Variants in HERC1 observed in about 807,000 individuals in gnomAD.
The protein encoded by HERC1 is probable E3 ubiquitin-protein ligase HERC1.
In HERC1, 160 loss-of-function variants were observed where a neutral mutation model predicts 554.3. That is an observed-to-expected ratio of 0.29 (90% CI 0.25 to 0.33). The LOEUF is 0.33. Ranked by LOEUF, HERC1 falls within the 10% of genes least tolerant of loss-of-function variation. The pLI, the probability that HERC1 is intolerant of heterozygous loss-of-function variation, is 1.00. For missense variants in HERC1, 4,919 were observed against 5,918.5 expected (o/e 0.83, Z 5.54); for synonymous variants, 2,175 against 2,131.7 (o/e 1.02, Z -0.56).
At chr15:63,672,737 T>G (rs1197334132) in intron 38 of HERC1, 43 bp from the exon 39 acceptor site, 4 of 1,401,406 alleles carry the variant, frequency 2.9e-6, no homozygotes, top group Non-Finnish European at 3.9e-6. Flanking sequence ...AAGGATTTGT[T>G]TTTTCAAAAA....
intron 55 of HERC1, among the ~76,000 whole-genome samples, chr15:63,646,496 G>A (rs1158415620): frequency 1.3e-5 from 2 of 149,730 alleles, no homozygotes; most frequent in Non-Finnish European, 3.0e-5. Flanking sequence ...AATAGTAGAG[G>A]CTAAAAAAAA....
At position 63,736,694 on chromosome 15, in the gene HERC1, C is replaced by G. The variant is rs572905221; in HGVS notation, c.2521-1845G>C. ...CACAATCTCGGCTCACGGCAACCTC[C>G]ACCTCTGGGGTTCAAGCGATTTTCC... On this transcript the variant is annotated intron_variant, in intron 12 of 77. Coordinates refer to ENST00000443617, the MANE Select transcript of HERC1 (RefSeq NM_003922.4). 3.9e-5 allele frequency among the ~76,000 whole-genome samples: 6 copies of G among 152,098 alleles called. No individual in the cohort carries two copies. In the East Asian group the frequency reaches 7.7e-4, roughly 20 times the overall value.
intron 12 of HERC1, among the ~76,000 whole-genome samples, chr15:63,741,842 T>C (rs2074824239): frequency 1.3e-5 from 2 of 152,244 alleles, no homozygotes; most frequent in Admixed American, 6.5e-5. Flanking sequence ...TTGATCTATA[T>C]ATTTATCCTT....
rs1223604236 is a variant in HERC1 at position 63,637,549 on chromosome 15, T to C, written c.12188A>G (p.Asn4063Ser). The change falls in exon 64 of 78, where the codon AAT becomes AGT. Residue 4063 changes from asparagine (N) to serine (S), a missense_variant. Transcript: ENST00000443617. The part of the protein sequence containing the change: ...EGSYGRLGQG[N>S]SDDLHVLTVI... The stretch of plus-strand genomic sequence containing the variant: ...TGTCAGCACATGAAGGTCATCTGAA[T>C]TTCCTTGTCCTAATCTGCCATAACT... 1 of 1,564,902 alleles carries C rather than the reference T, an allele frequency of 6.4e-7. No homozygotes were observed. The highest frequency in any genetic ancestry group is 1.3e-5 in the African/African-American group (1 of 74,078).
At chr15:63,792,722 G>A (rs138932031) in intron 1 of HERC1, among the ~76,000 whole-genome samples, 2,017 of 152,218 alleles carry the variant, frequency 0.013, 23 homozygotes, top group East Asian at 0.023. Context: ...TTCTCCACAC[G>A]CCAAGCAAGC....
At chr15:63,767,773 G>T (rs149561732) in intron 2 of HERC1, among the ~76,000 whole-genome samples, 1 of 152,132 alleles carries the variant, frequency 6.6e-6, no homozygotes, top group Non-Finnish European at 1.5e-5. Flanking sequence ...AGAGTTCTCC[G>T]AAGAGCTGAG....
chr15:63,798,992 T>G (rs1403186105), intron 1 of HERC1, among the ~76,000 whole-genome samples: 1 of 152,138 alleles, frequency 6.6e-6, no homozygotes, highest in African/African-American at 2.4e-5. Context: ...AAAAAAGAAG[T>G]TGACTTTTTT....
rs199876597 is a variant in HERC1 at position 63,706,960 on chromosome 15, C to G, written c.4585-129G>C. Reference sequence around the variant, plus strand: ...TGTCTTACTTATTCATCATTCAAGTCAAACTAATAACAAAATGTCCCTAAA... The same window carrying G: ...TGTCTTACTTATTCATCATTCAAGTGAAACTAATAACAAAATGTCCCTAAA... On this transcript the variant is annotated intron_variant, in intron 24 of 77. Transcript: ENST00000443617. 1.0e-5 allele frequency: 6 copies of G among 586,120 alleles called. No individual in the cohort carries two copies. The East Asian group carries it at 1.8e-4, about 17-fold the overall frequency. The allele number at this position is 586,120 out of a possible 1,614,324, so 36.3% of individuals were successfully genotyped here. A position where few individuals can be genotyped will look rare whatever the true frequency, so the allele number is the denominator to read the frequency against.
In HERC1 at chr15:63,718,593, G is replaced by A; in HGVS notation, c.3959C>T (p.Ser1320Leu). The A allele has an allele frequency of 6.3e-7, 1 of 1,582,680 alleles. No individual in the cohort carries two copies. The highest frequency in any genetic ancestry group is 1.1e-5 in the South Asian group (1 of 87,138). Residue 1320 changes from serine to leucine, a missense_variant, in exon 21 of 78, where the codon TCA becomes TTA. Ser to Leu is a moderately radical substitution (Grantham distance 145). Around this residue, in one of 11 missense-constraint regions of HERC1, gnomAD observed 1,121 missense variants for 1,244.0 expected, o/e 0.90. Coordinates refer to ENST00000443617, the MANE Select transcript of HERC1 (RefSeq NM_003922.4). This position sits in a 1 kb window ranked among gnomAD's most constrained non-coding sequence, Gnocchi z 4.2. ...CTTTACCCATCTGTCCCGTGATGAT[G>A]ACCTTGTTTGAATAAGTTCAAGGTT... is the stretch of plus-strand genomic sequence containing the variant. Reference protein sequence around the residue: ...CKNLELIQTRSSSRDRWISEN... With the variant: ...CKNLELIQTRLSSRDRWISEN...
intron 25 of HERC1, among the ~76,000 whole-genome samples, chr15:63,699,829 T>A (rs1044238144): frequency 6.6e-6 from 1 of 152,216 alleles, no homozygotes. Flanking sequence ...CATTTGTCAA[T>A]ATTAGCTTTA....
chr15:63,716,274 A>G lies in HERC1; in HGVS notation c.4150+28T>C, dbSNP rs1411058514. ...TATCAAAAAGCATGCCACAGTTTGT[A>G]TCTAGAAAGTAAGAAGGGTATACTC... On this transcript the variant is annotated intron_variant, in intron 22 of 77. Transcript: ENST00000443617. 2.5e-6 allele frequency: 4 copies of G among 1,575,440 alleles called. No individual in the cohort carries two copies. In the African/African-American group the frequency reaches 4.1e-5, roughly 16 times the overall value.
chr15:63,706,808 C>G lies in HERC1; in HGVS notation c.4608G>C (p.Leu1536Phe). The G allele has an allele frequency of 6.5e-7, 1 of 1,543,132 alleles. No individual in the cohort carries two copies. Among genetic ancestry groups the G allele is most frequent in the Non-Finnish European group, 8.8e-7 (1 of 1,140,698 alleles). Residue 1536 changes from leucine (L) to phenylalanine (F), a missense_variant, in exon 25 of 78, where the codon TTG becomes TTC. This residue lies in a region of HERC1 where 1,121 missense variants were observed against 1,244.0 expected (regional missense o/e 0.90). Transcript: ENST00000443617. ...YALSGRRNVD[L>F]DLAASHRKRG... ...TCTTTCTGTGAGATGCTGCCAAATC[C>G]AAATCAACATTTCGTCTGCCACTCT...
intron 12 of HERC1, among the ~76,000 whole-genome samples, chr15:63,743,582 C>T (rs1189302872): frequency 2.0e-5 from 3 of 152,104 alleles, no homozygotes. Flanking sequence ...TTTCTTCTGC[C>T]ATCAATTCTG....
intron 1 of HERC1, among the ~76,000 whole-genome samples, chr15:63,793,610 G>A (rs1299665824): frequency 6.6e-6 from 1 of 152,152 alleles, no homozygotes; most frequent in African/African-American, 2.4e-5. Flanking sequence ...CCTTGCTGCT[G>A]CTCTGCCTAT....
intron 61 of HERC1, 81 bp downstream of exon 61, chr15:63,640,071 G>C (rs919614208): frequency 1.5e-6 from 2 of 1,340,822 alleles, no homozygotes; most frequent in Non-Finnish European, 1.0e-6. Context: ...TACCAGCAAA[G>C]ACTTATTAGG....
chr15:63,661,131 C>A, intron 45 of HERC1, 106 bp from the exon 46 acceptor site: 5 of 809,506 alleles, frequency 6.2e-6, no homozygotes, highest in Admixed American at 2.2e-5. Context: ...TAAAGCAGCA[C>A]AAAATAAAAA....
intron 68 of HERC1, 47 bp downstream of exon 68, chr15:63,632,662 G>A: frequency 8.0e-7 from 1 of 1,256,338 alleles, no homozygotes; most frequent in African/African-American, 1.5e-5. Flanking sequence ...GAAGGCCAAT[G>A]TTTATAATGA....
chr15:63,833,793 G>GCACACACACACACACACACACA (rs1567176634), intron 1 of HERC1, 34 bp downstream of exon 1: 1 of 146,234 alleles, frequency 6.8e-6, no homozygotes, highest in African/African-American at 2.6e-5. Context: ...ACACACACAG[G>GCACACACACACACACACACACA]ACCAGGAGGA....
chr15:63,756,596 T>C lies in HERC1; in HGVS notation c.1374A>G (p.Lys458=), dbSNP rs1422658595. The stretch of plus-strand genomic sequence containing the variant: ...CAGATCCTTTAGAAGATGAAACCTT[T>C]TTAATGGATCTGTGAGGCTCGAATG... The part of the protein sequence containing the change: ...KLTFEPHRSI[K]KVSSSKGSDG... The change falls in exon 5 of 78, where the codon AAA becomes AAG. Residue 458 remains lysine, a synonymous_variant. Coordinates refer to ENST00000443617, the MANE Select transcript of HERC1 (RefSeq NM_003922.4). This position sits in a 1 kb window ranked among gnomAD's most constrained non-coding sequence, Gnocchi z 5.0. 1 of 1,613,964 alleles carries C rather than the reference T, an allele frequency of 6.2e-7. No homozygotes were observed.
Sources: allele counts gnomAD v4.1 joint callset (sites outside exome capture counted in the v4.1 genomes callset), GRCh38; gene constraint gnomAD v4.1.1; regional missense constraint gnomAD v4.1.1; non-coding constraint Gnocchi (gnomAD v3.1); transcripts MANE v1.5; gene names NCBI Gene and HGNC (gene_info 2026-07-23, HGNC 2026-07-21).